Variants in PDK2 observed in about 807,000 individuals in gnomAD.
PDK2 encodes pyruvate dehydrogenase kinase 2, also known as pyruvate dehydrogenase kinase, isozyme 2.
A neutral mutation model predicts 50.4 loss-of-function variants in PDK2; 34 were observed. The ratio of observed to expected loss-of-function variants is 0.68; its 90% CI spans 0.51 to 0.90. The LOEUF (loss-of-function observed/expected upper bound fraction) is 0.90. PDK2 is among the 40% of genes least tolerant of loss of function. The pLI, the probability that PDK2 is intolerant of heterozygous loss-of-function variation, is 0.00. For synonymous variants in PDK2, 232 were observed against 216.0 expected (o/e 1.07, Z -0.65); for missense variants, 377 against 544.5 (o/e 0.69, Z 3.06).
At chr17:50,106,696 T>C in intron 4 of PDK2, 98 bp from the exon 5 acceptor site, 3 of 965,204 alleles carry the variant, frequency 3.1e-6, no homozygotes, top group Non-Finnish European at 5.0e-6. Context: ...ACAGAGGCAT[T>C]GGAGGTGAAA....
Position 50,097,486 on chromosome 17 carries a change from T to C in PDK2, c.182T>C (p.Leu61Pro), listed in dbSNP as rs1345798879. The C allele has an allele frequency of 6.2e-7, 1 of 1,613,986 alleles. No homozygotes were observed. Among genetic ancestry groups the C allele is most frequent in the Admixed American group, 1.7e-5 (1 of 60,024 alleles). ...TFLRQELPVR[L>P]ANIMKEINLL... ...CTCAGGCAGGAGCTGCCTGTGCGCC[T>C]GGCCAACATCATGAAAGAGATCAAC... is the stretch of plus-strand genomic sequence containing the variant. The change falls in exon 2 of 11, where the codon CTG (leucine) becomes CCG (proline). Residue 61 changes from leucine (L) to proline (P), a missense_variant. Leu to Pro is a moderately conservative substitution (Grantham distance 98). Around this residue, in one of 3 missense-constraint regions of PDK2, gnomAD observed 100 missense variants for 115.5 expected, o/e 0.87. Coordinates refer to ENST00000503176, the MANE Select transcript of PDK2 (RefSeq NM_002611.5).
Position 50,106,036 on chromosome 17 carries a change from C to T in PDK2, c.484C>T (p.Arg162Cys), listed in dbSNP as rs775676250. 1.9e-6 allele frequency: 3 copies of T among 1,608,216 alleles called. No individual in the cohort carries two copies. Among genetic ancestry groups the T allele is most frequent in the Non-Finnish European group, 2.5e-6 (3 of 1,177,512 alleles). Reference sequence around the variant, plus strand: ...CTTCCTGGACCGCTTCTACCTCAGCCGCATCTCCATCCGCATGCTCATCAA... The same window carrying T: ...CTTCCTGGACCGCTTCTACCTCAGCTGCATCTCCATCCGCATGCTCATCAA... ...QYFLDRFYLS[R>C]ISIRMLINQH... The change falls in exon 4 of 11, where the codon CGC (arginine) becomes TGC (cysteine). Residue 162 changes from arginine (R) to cysteine (C), a missense_variant. By Grantham distance (180) the Arg-to-Cys change is radical (BLOSUM62 -3). Transcript: ENST00000503176.
In PDK2 at chr17:50,108,421, T is replaced by C. The variant is rs1369969539; in HGVS notation, c.861+4T>C. On this transcript the variant is annotated splice_donor_region_variant and intron_variant, in intron 8 of 10. Transcript: ENST00000503176. Reference sequence around the variant, plus strand: ...TGAGGAAGATCTGTCCATCAAGGTATGTGACCCTTTGACCTTGGGGACCAG... The same window carrying C: ...TGAGGAAGATCTGTCCATCAAGGTACGTGACCCTTTGACCTTGGGGACCAG... 2 of 1,607,590 alleles carry C rather than the reference T, an allele frequency of 1.2e-6. No homozygotes were observed. Among genetic ancestry groups the C allele is most frequent in the Admixed American group, 1.7e-5 (1 of 60,004 alleles).
At position 50,095,351 on chromosome 17, in the gene PDK2, G is replaced by A. The variant is rs1021859975; in HGVS notation, c.-85G>A. On this transcript the variant is annotated 5_prime_UTR_variant, in exon 1 of 11. Transcript: ENST00000503176. Reference sequence around the variant, plus strand: ...CCCGCCAGGGCAAGGGTAGGGAGGAGGCGGCCGAACCGCGTCGCTGGGCCG... The same window carrying A: ...CCCGCCAGGGCAAGGGTAGGGAGGAAGCGGCCGAACCGCGTCGCTGGGCCG... 12 of 951,032 alleles carry A rather than the reference G, an allele frequency of 1.3e-5. No homozygotes were observed. The East Asian group carries it at 2.7e-4, about 22-fold the overall frequency. 58.9% of individuals were successfully genotyped at this position (951,032 alleles called of 1,614,324 possible). A position where few individuals can be genotyped will look rare whatever the true frequency, so the allele number is the denominator to read the frequency against.
In PDK2 at chr17:50,105,974, A is replaced by G. The variant is rs534636646; in HGVS notation, c.422A>G (p.Tyr141Cys). The change falls in exon 4 of 11, where the codon TAC (tyrosine) becomes TGC (cysteine). Residue 141 changes from tyrosine to cysteine, a missense_variant. By Grantham distance (194) the Tyr-to-Cys change is radical. Around this residue, in one of 3 missense-constraint regions of PDK2, gnomAD observed 63 missense variants for 135.1 expected, o/e 0.47. Transcript: ENST00000503176. ...GGCGTGCTTGAGTACAAGGACACCT[A>G]CGGCGATGACCCCGTCTCCAACCAG... ...AQGVLEYKDTYGDDPVSNQNI... is the reference protein window; with the variant it reads ...AQGVLEYKDTCGDDPVSNQNI... The G allele has an allele frequency of 5.0e-6, 8 of 1,612,596 alleles. No homozygotes were observed. The South Asian group carries it at 8.8e-5, about 18-fold the overall frequency.
intron 2 of PDK2, 158 bp from the exon 3 acceptor site, chr17:50,105,213 A>G: frequency 2.0e-6 from 1 of 510,638 alleles, no homozygotes; most frequent in South Asian, 3.3e-5. Flanking sequence ...CTCACATACA[A>G]ATGAAATGGA....
chr17:50,095,467 C>A lies in PDK2; in HGVS notation c.32C>A (p.Ala11Glu), dbSNP rs909167027. The change falls in exon 1 of 11, where the codon GCG becomes GAG. Residue 11 changes from alanine to glutamate, a missense_variant. This residue lies in a region of PDK2 where 100 missense variants were observed against 115.5 expected (regional missense o/e 0.87). Transcript: ENST00000503176. MRWVWALLKNASLAGAPKYIE... is the reference protein window; with the variant it reads MRWVWALLKNESLAGAPKYIE... ...TGGGTGTGGGCGCTGCTGAAGAATG[C>A]GTCCCTGGCAGGGGCGCCCAAGTAC... 6 of 1,604,136 alleles carry A rather than the reference C, an allele frequency of 3.7e-6. No homozygotes were observed. In the East Asian group the frequency reaches 6.8e-5, roughly 18 times the overall value.
chr17:50,102,657 G>A (rs1910297787), intron 2 of PDK2, among the ~76,000 whole-genome samples: 1 of 152,222 alleles, frequency 6.6e-6, no homozygotes, highest in Admixed American at 6.5e-5. Flanking sequence ...TTTTGGGTGC[G>A]TTTAGGGAGC....
chr17:50,096,870 G>C (rs996676891), intron 1 of PDK2, among the ~76,000 whole-genome samples: 1 of 152,220 alleles, frequency 6.6e-6, no homozygotes, highest in East Asian at 1.9e-4. Context: ...GACAAGGACC[G>C]AGGCATTTGG....
intron 9 of PDK2, 127 bp downstream of exon 9, chr17:50,108,846 G>A (rs958884860): frequency 3.1e-6 from 2 of 649,430 alleles, no homozygotes; most frequent in Non-Finnish European, 5.5e-6. Context: ...CTTGAATCTG[G>A]GCCCCCGCAC....
chr17:50,097,511 C>G lies in PDK2; in HGVS notation c.207C>G (p.Asn69Lys). 6.2e-7 allele frequency: 1 copy of G among 1,613,960 alleles called. No individual in the cohort carries two copies. The highest frequency in any genetic ancestry group is 8.5e-7 in the Non-Finnish European group (1 of 1,180,022). The change falls in exon 2 of 11, where the codon AAC (asparagine) becomes AAG (lysine). Residue 69 changes from asparagine (N) to lysine (K), a missense_variant. Physicochemically the swap from Asn to Lys is moderately conservative, Grantham distance 94. Around this residue, in one of 3 missense-constraint regions of PDK2, gnomAD observed 100 missense variants for 115.5 expected, o/e 0.87. Transcript: ENST00000503176. ...VRLANIMKEI[N>K]LLPDRVLSTP... ...TGGCCAACATCATGAAAGAGATCAA[C>G]CTGCTTCCCGACCGAGTGCTGAGCA... is the stretch of plus-strand genomic sequence containing the variant.
chr17:50,097,596 C>T (rs1490890279), intron 2 of PDK2, 32 bp downstream of exon 2: 1 of 1,606,534 alleles, frequency 6.2e-7, no homozygotes, highest in African/African-American at 1.3e-5. Flanking sequence ...CTGCACCTCC[C>T]ACTCCATCGC....
rs1910013949 is a variant in PDK2, at chr17:50,097,547, G to A, written c.243G>A (p.Val81=). ...LPDRVLSTPS[V]QLVQSWYVQS... is the part of the protein sequence containing the mutation. ...ACCGAGTGCTGAGCACACCCTCCGT[G>A]CAGCTGGTGCAGAGCTGGTGAGACC... Residue 81 remains valine, a synonymous_variant, in exon 2 of 11, where the codon GTG becomes GTA. Transcript: ENST00000503176. The A allele has an allele frequency of 1.2e-6, 2 of 1,613,306 alleles. No homozygotes were observed.
At chr17:50,108,442 AC>A in intron 8 of PDK2, 25 bp downstream of exon 8, 1 of 1,575,440 alleles carries the variant, frequency 6.3e-7, no homozygotes, top group Non-Finnish European at 8.7e-7. Context: ...GACCTTGGGG[AC>A]CAGGGAGCAG....
In PDK2 at chr17:50,110,898, G is replaced by A. The variant is rs1489142603; in HGVS notation, c.*801G>A. On this transcript the variant is annotated 3_prime_UTR_variant, in exon 11 of 11. Coordinates refer to ENST00000503176, the MANE Select transcript of PDK2 (RefSeq NM_002611.5). ...GTGCCCAGACATGTGTGCTCAGGGTGGCTTTCTCCCTAGGACCTTCTGTGT... is the reference window on the plus strand; with the variant it reads ...GTGCCCAGACATGTGTGCTCAGGGTAGCTTTCTCCCTAGGACCTTCTGTGT... The A allele has an allele frequency of 6.6e-6, 1 of 152,290 alleles. No homozygotes were observed. The highest frequency in any genetic ancestry group is 1.5e-5 in the Non-Finnish European group (1 of 68,116). The allele number at this position is 152,290 out of a possible 1,614,324, so 9.4% of individuals were successfully genotyped here. A position where few individuals can be genotyped will look rare whatever the true frequency, so the allele number is the denominator to read the frequency against.
At chr17:50,095,594 GGGGCGCTGGGA>G (rs2144339373) in intron 1 of PDK2, 41 bp downstream of exon 1, 2 of 1,544,828 alleles carry the variant, frequency 1.3e-6, no homozygotes, top group East Asian at 4.7e-5. Flanking sequence ...GGAGGCCGGC[GGGGCGCTGGGA>G]GGGGCAGCCG....
intron 6 of PDK2, 35 bp from the exon 7 acceptor site, chr17:50,108,121 G>A (rs551826280): frequency 3.9e-6 from 6 of 1,557,476 alleles, no homozygotes; most frequent in African/African-American, 2.7e-5. Flanking sequence ...ACCTCCTGAC[G>A]GTTTCCTGAC....
chr17:50,097,722 G>A, intron 2 of PDK2, 158 bp downstream of exon 2: 1 of 727,988 alleles, frequency 1.4e-6, no homozygotes, highest in Non-Finnish European at 2.2e-6. Flanking sequence ...AGGGTCACGT[G>A]GGAATCTGAG....
chr17:50,106,945 T>G (rs1910550535), intron 5 of PDK2, 62 bp downstream of exon 5: 5 of 1,516,136 alleles, frequency 3.3e-6, no homozygotes, highest in Non-Finnish European at 3.7e-6. Context: ...CAAGCTTACC[T>G]GGCCAGAGGG....
Sources: gnomAD v4.1 joint callset for allele counts (sites outside exome capture counted in the v4.1 genomes callset) on GRCh38, gnomAD v4.1.1 for gene constraint, gnomAD v4.1.1 regional missense constraint, MANE v1.5 for transcripts, NCBI Gene and HGNC (gene_info 2026-07-23, HGNC 2026-07-21) for gene names.